CAMKMT: variants seen among roughly 807,000 people sequenced by gnomAD.
CAMKMT encodes the protein calmodulin-lysine N-methyltransferase.
CAMKMT carries 53 observed loss-of-function variants against 48.0 expected under a neutral mutation model. The observed-to-expected ratio is 1.10, with a 90% confidence interval of 0.89 to 1.39. The LOEUF is 1.39. Among genes scored for constraint, CAMKMT ranks in the 40% most tolerant of loss-of-function variants. The pLI is 0.00. For synonymous variants in CAMKMT, 165 were observed against 152.3 expected (o/e 1.08, Z -0.61); for missense variants, 428 against 402.7 (o/e 1.06, Z -0.54).
chr2:44,631,252 TG>T (rs888476982), intron 3 of CAMKMT, among the ~76,000 whole-genome samples: 6 of 150,920 alleles, frequency 4.0e-5, no homozygotes, highest in African/African-American at 1.5e-4. Flanking sequence ...TGTTGTTGGG[TG>T]GGGGTAAGGG....
intron 3 of CAMKMT, among the ~76,000 whole-genome samples, chr2:44,562,084 G>A (rs1316353197): frequency 6.6e-6 from 1 of 152,188 alleles, no homozygotes; most frequent in Non-Finnish European, 1.5e-5. Context: ...CTTGGAAACT[G>A]GGTAGGAGGT....
intron 2 of CAMKMT, among the ~76,000 whole-genome samples, chr2:44,375,171 G>GTT (rs148190917): frequency 8.2e-5 from 12 of 147,130 alleles, no homozygotes; most frequent in South Asian, 2.2e-4. Context: ...CAGGGTTTCT[G>GTT]TTTTTTTTTT....
At chr2:44,430,355 G>A (rs1684574183) in intron 3 of CAMKMT, among the ~76,000 whole-genome samples, 3 of 151,916 alleles carry the variant, frequency 2.0e-5, no homozygotes, top group Non-Finnish European at 2.9e-5. Flanking sequence ...TTCAGAGGAA[G>A]CTGTTTATTT....
intron 10 of CAMKMT, among the ~76,000 whole-genome samples, chr2:44,767,776 G>A (rs1413880543): frequency 6.6e-6 from 1 of 152,066 alleles, no homozygotes; most frequent in African/African-American, 2.4e-5. Context: ...GTAGGAAAAG[G>A]GTCCCTCCTG....
At chr2:44,451,250 G>C (rs1285618094) in intron 3 of CAMKMT, among the ~76,000 whole-genome samples, 1 of 152,008 alleles carries the variant, frequency 6.6e-6, no homozygotes, top group African/African-American at 2.4e-5. Context: ...TGTTGTATTA[G>C]AGGTTTGAAG....
At chr2:44,735,530 G>T (rs1679307738) in intron 7 of CAMKMT, among the ~76,000 whole-genome samples, 2 of 151,772 alleles carry the variant, frequency 1.3e-5, no homozygotes, top group African/African-American at 2.4e-5. Context: ...TTATTTTAGT[G>T]GTTGCTTTAG....
At chr2:44,557,027 C>A (rs888450842) in intron 3 of CAMKMT, among the ~76,000 whole-genome samples, 6 of 152,146 alleles carry the variant, frequency 3.9e-5, no homozygotes, top group African/African-American at 1.4e-4. Flanking sequence ...AAAGTTTTAT[C>A]TTTTTTACTT....
intron 3 of CAMKMT, among the ~76,000 whole-genome samples, chr2:44,411,257 C>A (rs1335852059): frequency 6.6e-6 from 1 of 152,160 alleles, no homozygotes; most frequent in Admixed American, 6.5e-5. Flanking sequence ...GCTGAGCATT[C>A]ATTCGTTTAC....
intron 3 of CAMKMT, among the ~76,000 whole-genome samples, chr2:44,501,198 G>A (rs1178054084): frequency 6.6e-6 from 1 of 151,668 alleles, no homozygotes; most frequent in African/African-American, 2.4e-5. Context: ...ATATGGCAGT[G>A]TTCTTTTTCT....
chr2:44,576,555 G>A (rs926199139), intron 3 of CAMKMT, among the ~76,000 whole-genome samples: 4 of 152,268 alleles, frequency 2.6e-5, no homozygotes, highest in Admixed American at 2.0e-4. Context: ...AATAAAAGCA[G>A]CTTGTTAGAT....
chr2:44,466,442 A>G (rs1188197789), intron 3 of CAMKMT, among the ~76,000 whole-genome samples: 2 of 152,226 alleles, frequency 1.3e-5, no homozygotes, highest in African/African-American at 4.8e-5. Flanking sequence ...TGTCAAAAAA[A>G]TCACCAGAGA....
intron 3 of CAMKMT, among the ~76,000 whole-genome samples, chr2:44,528,337 T>A (rs1666283301): frequency 6.6e-6 from 1 of 152,124 alleles, no homozygotes; most frequent in African/African-American, 2.4e-5. Flanking sequence ...TAGAAAAATT[T>A]AAAAATATAC....
chr2:44,656,977 C>T (rs1399441113), intron 3 of CAMKMT, among the ~76,000 whole-genome samples: 1 of 152,186 alleles, frequency 6.6e-6, no homozygotes, highest in East Asian at 1.9e-4. Flanking sequence ...CACCTACTAT[C>T]AGAAAGAACC....
intron 3 of CAMKMT, among the ~76,000 whole-genome samples, chr2:44,655,286 T>G (rs1439264303): frequency 6.6e-6 from 1 of 152,244 alleles, no homozygotes; most frequent in Non-Finnish European, 1.5e-5. Flanking sequence ...TGCATTGTTT[T>G]AGATGGTTTT....
At chr2:44,485,852 T>G (rs1294438203) in intron 3 of CAMKMT, among the ~76,000 whole-genome samples, 3 of 152,160 alleles carry the variant, frequency 2.0e-5, no homozygotes, top group Non-Finnish European at 4.4e-5. Flanking sequence ...GTGTTAGAAA[T>G]CAGGATAATG....
chr2:44,418,192 C>A (rs1270889064), intron 3 of CAMKMT, among the ~76,000 whole-genome samples: 535 of 118,506 alleles, frequency 4.5e-3, no homozygotes, highest in South Asian at 7.7e-3. Flanking sequence ...AACTCTGTCT[C>A]AAAAAAAAAA....
At chr2:44,436,748 C>G (rs894197263) in intron 3 of CAMKMT, among the ~76,000 whole-genome samples, 1 of 151,848 alleles carries the variant, frequency 6.6e-6, no homozygotes, top group Admixed American at 6.6e-5. Context: ...TGATTACAGT[C>G]AACAATAAAA....
At chr2:44,586,095 G>A (rs760804776) in intron 3 of CAMKMT, among the ~76,000 whole-genome samples, 1 of 152,154 alleles carries the variant, frequency 6.6e-6, no homozygotes, top group Non-Finnish European at 1.5e-5. Context: ...ACAGAGGTAT[G>A]TACAGAGGTA....
intron 3 of CAMKMT, among the ~76,000 whole-genome samples, chr2:44,553,707 C>T (rs1020316797): frequency 6.6e-6 from 1 of 152,100 alleles, no homozygotes; most frequent in Non-Finnish European, 1.5e-5. Flanking sequence ...ACTGGCATTT[C>T]CTCTCTGTGA....
Sources: gnomAD v4.1 joint callset for allele counts (sites outside exome capture counted in the v4.1 genomes callset) on GRCh38, gnomAD v4.1.1 for gene constraint, MANE v1.5 for transcripts, NCBI Gene and HGNC (gene_info 2026-07-23, HGNC 2026-07-21) for gene names.